Variants in CPNE8 observed in about 807,000 individuals in gnomAD.
CPNE8 encodes copine 8.
A neutral mutation model predicts 81.5 loss-of-function variants in CPNE8; 45 were observed. The ratio of observed to expected loss-of-function variants is 0.55; its 90% confidence interval spans 0.44 to 0.71. The LOEUF (loss-of-function observed/expected upper bound fraction) is 0.71. CPNE8 is among the 30% of genes least tolerant of loss of function. CPNE8 has a pLI of 0.00. For missense variants in CPNE8, 594 were observed against 672.1 expected, an observed-to-expected ratio of 0.88 and a Z score of 1.28; for synonymous variants, 252 against 226.3, an observed-to-expected ratio of 1.11 and a Z score of -1.02.
At chr12:38,803,171 T>C (rs1183495825) in intron 6 of CPNE8, among the ~76,000 whole-genome samples, 1 of 75,408 alleles carries the variant, frequency 1.3e-5, no homozygotes. Flanking sequence ...GCCAGCATCA[T>C]TCTGATACCA....
chr12:38,796,991 G>A (rs1378956345), intron 6 of CPNE8, among the ~76,000 whole-genome samples: 2 of 152,216 alleles, frequency 1.3e-5, no homozygotes, highest in East Asian at 1.9e-4. Context: ...GCAAGGCTGG[G>A]GGACGGGTGC....
At chr12:38,840,794 T>C (rs893306608) in intron 4 of CPNE8, among the ~76,000 whole-genome samples, 3 of 152,174 alleles carry the variant, frequency 2.0e-5, no homozygotes, top group Non-Finnish European at 4.4e-5. Context: ...AATCAGTTCT[T>C]GGAAAGAGTC....
intron 6 of CPNE8, among the ~76,000 whole-genome samples, chr12:38,797,530 A>T (rs992007674): frequency 6.6e-6 from 1 of 152,192 alleles, no homozygotes; most frequent in Non-Finnish European, 1.5e-5. Flanking sequence ...GAGGACATCC[A>T]CACCAAAACC....
At chr12:38,753,394 G>A (rs1027668815) in intron 10 of CPNE8, among the ~76,000 whole-genome samples, 1 of 152,198 alleles carries the variant, frequency 6.6e-6, no homozygotes, top group Non-Finnish European at 1.5e-5. Flanking sequence ...AGAGGTTGCA[G>A]TGAGCTGAGA....
chr12:38,874,950 G>C (rs530116064), intron 1 of CPNE8, among the ~76,000 whole-genome samples: 2 of 152,220 alleles, frequency 1.3e-5, no homozygotes, highest in African/African-American at 2.4e-5. Flanking sequence ...CATATAATTA[G>C]AATACAGTTG....
chr12:38,838,274 G>A (rs1410110486), intron 5 of CPNE8, among the ~76,000 whole-genome samples: 1 of 152,032 alleles, frequency 6.6e-6, no homozygotes, highest in Non-Finnish European at 1.5e-5. Context: ...GAGAAACTTG[G>A]TCTTCAAAGA....
chr12:38,714,223 G>T (rs1431184449), intron 13 of CPNE8, among the ~76,000 whole-genome samples: 1 of 151,926 alleles, frequency 6.6e-6, no homozygotes, highest in Non-Finnish European at 1.5e-5. Flanking sequence ...AATAATAATT[G>T]AAATAATTAT....
At chr12:38,701,423 A>G (rs1049941020) in intron 14 of CPNE8, among the ~76,000 whole-genome samples, 3 of 152,142 alleles carry the variant, frequency 2.0e-5, no homozygotes, top group South Asian at 4.1e-4. Flanking sequence ...GCTAGTATTC[A>G]TCAGTGAACA....
chr12:38,790,876 G>A (rs1380676352), intron 6 of CPNE8, among the ~76,000 whole-genome samples: 2 of 151,740 alleles, frequency 1.3e-5, no homozygotes, highest in Non-Finnish European at 1.5e-5. Context: ...ACTGATTGTT[G>A]TAGTTGTTTG....
At chr12:38,755,791 A>G (rs1239172349) in intron 10 of CPNE8, among the ~76,000 whole-genome samples, 1 of 152,138 alleles carries the variant, frequency 6.6e-6, no homozygotes, top group East Asian at 1.9e-4. Context: ...CTGTAATCCC[A>G]GCACTTTGGG....
intron 6 of CPNE8, among the ~76,000 whole-genome samples, chr12:38,785,591 T>C (rs1362629265): frequency 6.6e-6 from 1 of 152,174 alleles, no homozygotes; most frequent in African/African-American, 2.4e-5. Context: ...ATGACTTTGC[T>C]AATCATTCAC....
chr12:38,829,241 T>A (rs182871735), intron 6 of CPNE8, 138 bp downstream of exon 6: 95 of 620,532 alleles, frequency 1.5e-4, no homozygotes, highest in Non-Finnish European at 2.5e-4. Flanking sequence ...TATGTCAAAA[T>A]TATTTGTTAA....
At chr12:38,780,633 T>C (rs972366506) in intron 6 of CPNE8, among the ~76,000 whole-genome samples, 1 of 152,084 alleles carries the variant, frequency 6.6e-6, no homozygotes. Flanking sequence ...AGATATGATC[T>C]ACAAAGATTA....
intron 6 of CPNE8, among the ~76,000 whole-genome samples, chr12:38,820,767 G>A (rs1943099372): frequency 6.6e-6 from 1 of 152,108 alleles, no homozygotes; most frequent in Non-Finnish European, 1.5e-5. Context: ...TGAAACTCTG[G>A]GTGAATACTG....
intron 6 of CPNE8, among the ~76,000 whole-genome samples, chr12:38,800,337 G>A (rs1942627744): frequency 4.2e-5 from 1 of 23,896 alleles, no homozygotes; most frequent in African/African-American, 7.2e-5. Flanking sequence ...CTCCTCAAGT[G>A]GGTCCCTGAC....
At chr12:38,800,153 C>A (rs1431842610) in intron 6 of CPNE8, among the ~76,000 whole-genome samples, 1 of 121,636 alleles carries the variant, frequency 8.2e-6, no homozygotes, top group South Asian at 3.5e-4. Context: ...GTGGAGCCCA[C>A]CACAACTCAA....
intron 19 of CPNE8, among the ~76,000 whole-genome samples, chr12:38,663,079 C>G (rs1555140771): frequency 6.6e-6 from 1 of 151,770 alleles, no homozygotes; most frequent in Non-Finnish European, 1.5e-5. Flanking sequence ...CATGAGTAGG[C>G]AAAAATTGTA....
intron 10 of CPNE8, among the ~76,000 whole-genome samples, chr12:38,743,792 G>C (rs890007967): frequency 1.4e-5 from 2 of 139,522 alleles, no homozygotes; most frequent in Non-Finnish European, 3.2e-5. Flanking sequence ...GATACATAAC[G>C]TATCTCCAGT....
chr12:38,742,204 G>T (rs886161661), intron 10 of CPNE8, among the ~76,000 whole-genome samples: 1 of 152,050 alleles, frequency 6.6e-6, no homozygotes, highest in Non-Finnish European at 1.5e-5. Flanking sequence ...AAATCATGCC[G>T]CTATGAAGAC....
Sources: gnomAD v4.1 joint callset for allele counts (sites outside exome capture counted in the v4.1 genomes callset) on GRCh38, gnomAD v4.1.1 for gene constraint, MANE v1.5 for transcripts, NCBI Gene and HGNC (gene_info 2026-07-23, HGNC 2026-07-21) for gene names.